Variants in SLC25A16 observed in about 807,000 individuals in gnomAD.
The protein encoded by SLC25A16 is mitochondrial coenzyme A transporter SLC25A16.
In SLC25A16, 39 loss-of-function variants were observed where a neutral mutation model predicts 41.5. That is an observed-to-expected ratio of 0.94 (90% CI 0.73 to 1.23). The LOEUF is 1.23. Among genes scored for constraint, SLC25A16 ranks in the 50% most tolerant of loss-of-function variants. SLC25A16 has a pLI of 0.00. For synonymous variants in SLC25A16, 146 were observed against 147.8 expected (o/e 0.99, Z 0.09); for missense variants, 421 against 426.9 (o/e 0.99, Z 0.12).
chr10:68,493,609 T>C (rs2052700011), intron 4 of SLC25A16, 39 bp from the exon 5 acceptor site: 1 of 1,506,128 alleles, frequency 6.6e-7, no homozygotes, highest in African/African-American at 1.4e-5. Flanking sequence ...CAATGAATTT[T>C]TGATATATAC....
chr10:68,488,653 C>T (rs762386365), intron 6 of SLC25A16, 24 bp from the exon 7 acceptor site: 1 of 1,587,686 alleles, frequency 6.3e-7, no homozygotes, highest in Non-Finnish European at 8.6e-7. Context: ...AATAAATTCA[C>T]CATGATGCTT....
At chr10:68,485,150 C>T (rs945894299) in intron 8 of SLC25A16, among the ~76,000 whole-genome samples, 10 of 152,118 alleles carry the variant, frequency 6.6e-5, no homozygotes, top group Non-Finnish European at 1.3e-4. Context: ...AGTGCAGTAG[C>T]ACGATCTCGG....
At chr10:68,501,559 G>C (rs906031443) in intron 4 of SLC25A16, among the ~76,000 whole-genome samples, 1 of 151,426 alleles carries the variant, frequency 6.6e-6, no homozygotes, top group Non-Finnish European at 1.5e-5. Context: ...GAGAATGAGG[G>C]GAGGGGAGAG....
At chr10:68,492,518 C>T (rs1183495037) in intron 6 of SLC25A16, among the ~76,000 whole-genome samples, 2 of 151,894 alleles carry the variant, frequency 1.3e-5, no homozygotes, top group Admixed American at 6.6e-5. Context: ...CCTGCAATCC[C>T]AGCACTTTGG....
intron 4 of SLC25A16, among the ~76,000 whole-genome samples, chr10:68,498,770 A>G (rs1029451322): frequency 4.6e-5 from 7 of 152,184 alleles, no homozygotes; most frequent in African/African-American, 1.4e-4. Flanking sequence ...TACAGTGAGC[A>G]CGTGGTTCTA....
At chr10:68,515,826 A>T (rs557242694) in intron 2 of SLC25A16, among the ~76,000 whole-genome samples, 1 of 152,214 alleles carries the variant, frequency 6.6e-6, no homozygotes, top group Non-Finnish European at 1.5e-5. Flanking sequence ...ATAAATAAAT[A>T]GTAAAAAATC....
intron 6 of SLC25A16, among the ~76,000 whole-genome samples, chr10:68,489,048 T>G (rs969061597): frequency 6.6e-6 from 1 of 152,112 alleles, no homozygotes; most frequent in Non-Finnish European, 1.5e-5. Flanking sequence ...GGTGGGCGGA[T>G]TACCTGAGGT....
intron 1 of SLC25A16, among the ~76,000 whole-genome samples, chr10:68,522,948 C>A (rs1391225132): frequency 1.3e-5 from 2 of 151,648 alleles, no homozygotes; most frequent in Non-Finnish European, 2.9e-5. Flanking sequence ...CAGGCCACTG[C>A]ACTCCAGCCT....
Position 68,527,230 on chromosome 10 carries a change from C to G in SLC25A16, c.130+16G>C, listed in dbSNP as rs1323135578. 1 of 1,545,272 alleles carries G rather than the reference C, an allele frequency of 6.5e-7. No individual in the cohort carries two copies. The highest frequency in any genetic ancestry group is 1.4e-5 in the African/African-American group (1 of 71,874). On this transcript the variant is annotated intron_variant, in intron 1 of 8. Transcript: ENST00000609923. ...GCCACTCAGAGCGCGGCTGGCTCTT[C>G]GTGGCATGGACCCACCTCCGGCCAG... is the stretch of plus-strand genomic sequence containing the variant.
At chr10:68,497,494 T>TA (rs1019262494) in intron 4 of SLC25A16, among the ~76,000 whole-genome samples, 5 of 152,162 alleles carry the variant, frequency 3.3e-5, no homozygotes, top group African/African-American at 1.2e-4. Flanking sequence ...ACTATGTTCT[T>TA]AGAGTAGGAT....
chr10:68,507,624 A>G (rs953096007), intron 2 of SLC25A16, among the ~76,000 whole-genome samples: 3 of 152,162 alleles, frequency 2.0e-5, no homozygotes, highest in African/African-American at 7.2e-5. Context: ...CAAGTAAAAA[A>G]TATATAGACA....
At chr10:68,501,781 T>C (rs1325415651) in intron 4 of SLC25A16, among the ~76,000 whole-genome samples, 1 of 152,058 alleles carries the variant, frequency 6.6e-6, no homozygotes, top group African/African-American at 2.4e-5. Context: ...GCAAAAAAGT[T>C]ACGTGAGCGA....
intron 5 of SLC25A16, 93 bp downstream of exon 5, chr10:68,493,356 A>G (rs35771588): frequency 0.043 from 51,907 of 1,218,802 alleles, 1,297 homozygotes; most frequent in Middle Eastern, 0.078. Flanking sequence ...ATCAATAATT[A>G]TAAGTAAAAG....
rs2052454105 is a variant in SLC25A16, at chr10:68,478,717, TG to T, written c.*4714del. 1 of 150,150 alleles carries T rather than the reference TG, an allele frequency of 6.7e-6. No homozygotes were observed. The highest frequency in any genetic ancestry group is 2.4e-5 in the African/African-American group (1 of 41,076). 9.3% of individuals were successfully genotyped at this position (150,150 alleles called of 1,614,324 possible). A position where few individuals can be genotyped will look rare whatever the true frequency, so the allele number is the denominator to read the frequency against. On this transcript the variant is annotated 3_prime_UTR_variant, in exon 9 of 9. Transcript: ENST00000609923. The stretch of plus-strand genomic sequence containing the variant: ...ATAAGTTTTATTTTATATATATATA[TG>T]ATATGTATACATATATTTTTTATTT...
chr10:68,527,199 GC>G, intron 1 of SLC25A16, 46 bp downstream of exon 1: 1 of 1,536,338 alleles, frequency 6.5e-7, no homozygotes, highest in East Asian at 2.5e-5. Flanking sequence ...CCACAGTCCT[GC>G]CCCCGCCACT....
chr10:68,499,720 A>T (rs1357061678), intron 4 of SLC25A16: 1 of 399,950 alleles, frequency 2.5e-6, no homozygotes, highest in Non-Finnish European at 4.9e-6. Context: ...AGGACACTAT[A>T]AAGGTCAGCA....
At chr10:68,498,091 A>G (rs75197833) in intron 4 of SLC25A16, among the ~76,000 whole-genome samples, 3,029 of 152,210 alleles carry the variant, frequency 0.02, 91 homozygotes, top group African/African-American at 0.069. Flanking sequence ...CAACGTAAGT[A>G]AAAAAGCCAA....
chr10:68,502,065 G>A (rs2052856034), intron 4 of SLC25A16, among the ~76,000 whole-genome samples: 3 of 151,914 alleles, frequency 2.0e-5, no homozygotes, highest in Admixed American at 1.3e-4. Flanking sequence ...GCATGGTGGT[G>A]TGAGCCTGTA....
chr10:68,486,231 C>CA (rs569434507), intron 8 of SLC25A16, among the ~76,000 whole-genome samples: 4,580 of 84,986 alleles, frequency 0.054, 159 homozygotes, highest in East Asian at 0.27. Flanking sequence ...AAAAACAAAA[C>CA]AAAAAAAAAA....
Sources: gnomAD v4.1 joint callset for allele counts (sites outside exome capture counted in the v4.1 genomes callset) on GRCh38, gnomAD v4.1.1 for gene constraint, MANE v1.5 for transcripts, NCBI Gene and HGNC (gene_info 2026-07-23, HGNC 2026-07-21) for gene names.